NTNG1: variants seen among roughly 807,000 people sequenced by gnomAD.
NTNG1 encodes the protein netrin-G1.
NTNG1 carries 16 observed loss-of-function variants against 54.0 expected under a neutral mutation model. The ratio of observed to expected loss-of-function variants is 0.30; its 90% CI spans 0.20 to 0.45. The LOEUF is 0.45. Among genes scored for constraint, NTNG1 ranks in the 20% least tolerant of loss-of-function variants. NTNG1 has a pLI of 1.00. For synonymous variants in NTNG1, 255 were observed against 263.1 expected, an observed-to-expected ratio of 0.97 and a Z score of 0.30; for missense variants, 530 against 678.7, an observed-to-expected ratio of 0.78 and a Z score of 2.43.
chr1:107,466,939 G>A (rs984668115), intron 7 of NTNG1, among the ~76,000 whole-genome samples: 2 of 152,120 alleles, frequency 1.3e-5, no homozygotes, highest in African/African-American at 4.8e-5. Context: ...GGTCCACTAA[G>A]CAGATCTGTT....
intron 2 of NTNG1, among the ~76,000 whole-genome samples, chr1:107,316,209 A>G (rs1315175012): frequency 6.6e-6 from 1 of 152,164 alleles, no homozygotes; most frequent in African/African-American, 2.4e-5. Flanking sequence ...AGAATAAAAT[A>G]TATTTCTAAA....
At chr1:107,191,974 G>T (rs945886381) in intron 2 of NTNG1, among the ~76,000 whole-genome samples, 1 of 152,084 alleles carries the variant, frequency 6.6e-6, no homozygotes, top group African/African-American at 2.4e-5. Context: ...GACAGTCATT[G>T]GTAGCTTGAT....
chr1:107,262,073 A>G (rs941890610), intron 2 of NTNG1, among the ~76,000 whole-genome samples: 2 of 152,236 alleles, frequency 1.3e-5, no homozygotes, highest in Admixed American at 1.3e-4. Flanking sequence ...TTGGCAGTTA[A>G]TGTACCTAAG....
At position 107,242,790 on chromosome 1, in the gene NTNG1, G is replaced by A. The variant is rs755410357; in HGVS notation, c.247-81492G>A. Among the ~76,000 whole-genome samples the A allele has an allele frequency of 4.6e-5, 7 of 152,314 alleles. No homozygotes were observed. In the East Asian group the frequency reaches 5.8e-4, roughly 13 times the overall value. On this transcript the variant is annotated intron_variant, in intron 2 of 7. Coordinates refer to ENST00000370068, the MANE Select transcript of NTNG1 (RefSeq NM_001113226.3). ...TGTGGCTGGAGCTCACTGAGCTGCCGAAGTGGGAACATTTGTGCTTTGAAA... is the reference window on the plus strand; with the variant it reads ...TGTGGCTGGAGCTCACTGAGCTGCCAAAGTGGGAACATTTGTGCTTTGAAA...
intron 2 of NTNG1, among the ~76,000 whole-genome samples, chr1:107,237,665 C>A (rs142007779): frequency 6.6e-6 from 1 of 152,218 alleles, no homozygotes; most frequent in East Asian, 1.9e-4. Context: ...GTTCCAGCTA[C>A]CCCAGCTGTG....
chr1:107,283,782 G>T (rs185105577), intron 2 of NTNG1, among the ~76,000 whole-genome samples: 1 of 152,110 alleles, frequency 6.6e-6, no homozygotes, highest in Admixed American at 6.6e-5. Flanking sequence ...ATAACAGATG[G>T]AGTTCAAGAA....
intron 2 of NTNG1, among the ~76,000 whole-genome samples, chr1:107,196,214 G>A (rs1410768059): frequency 6.6e-6 from 1 of 151,898 alleles, no homozygotes; most frequent in Non-Finnish European, 1.5e-5. Flanking sequence ...TGGTGGGAGT[G>A]GGGGCAGATG....
intron 2 of NTNG1, among the ~76,000 whole-genome samples, chr1:107,251,674 T>C (rs1662619633): frequency 6.6e-6 from 1 of 152,106 alleles, no homozygotes; most frequent in Non-Finnish European, 1.5e-5. Context: ...ACAACTCAAC[T>C]CTGATCATGT....
In NTNG1 at chr1:107,334,335, C is replaced by T. The variant is rs149517254; in HGVS notation, c.887+9413C>T. On this transcript the variant is annotated intron_variant, in intron 3 of 7. Transcript: ENST00000370068. ...CTAGGAATTGTGTTTTTGTCCTGGC[C>T]GCTTTTACTCATTTGGTGCTAACAG... 6.2e-3 allele frequency among the ~76,000 whole-genome samples: 947 copies of T among 151,784 alleles called. 10 individuals are homozygous for T. Among genetic ancestry groups the T allele is most frequent in the African/African-American group, 0.018 (758 of 41,408 alleles).
At chr1:107,352,871 G>A (rs1669708369) in intron 3 of NTNG1, among the ~76,000 whole-genome samples, 1 of 152,208 alleles carries the variant, frequency 6.6e-6, no homozygotes, top group Non-Finnish European at 1.5e-5. Context: ...CTGGAGCAGT[G>A]GTCCTAGCTG....
At chr1:107,443,313 C>T (rs965594981) in intron 7 of NTNG1, among the ~76,000 whole-genome samples, 1 of 152,130 alleles carries the variant, frequency 6.6e-6, no homozygotes, top group African/African-American at 2.4e-5. Flanking sequence ...AAGTCAGAAA[C>T]TAGAGACTTA....
At chr1:107,253,551 CTCATT>C (rs1475375137) in intron 2 of NTNG1, among the ~76,000 whole-genome samples, 3 of 152,172 alleles carry the variant, frequency 2.0e-5, no homozygotes, top group African/African-American at 7.2e-5. Context: ...GGCTCTATTT[CTCATT>C]TCATTTCATT....
At chr1:107,473,771 G>T (rs17473915) in intron 7 of NTNG1, among the ~76,000 whole-genome samples, 2 of 152,118 alleles carry the variant, frequency 1.3e-5, no homozygotes, top group African/African-American at 4.8e-5. Context: ...TATCTACCTT[G>T]TGGCTTGCTT....
intron 2 of NTNG1, among the ~76,000 whole-genome samples, chr1:107,294,181 C>T (rs1665798044): frequency 6.6e-6 from 1 of 152,100 alleles, no homozygotes; most frequent in African/African-American, 2.4e-5. Context: ...AACAATGGAG[C>T]CTGAGAACAA....
intron 3 of NTNG1, among the ~76,000 whole-genome samples, chr1:107,332,004 A>G (rs961151546): frequency 1.3e-5 from 2 of 152,110 alleles, no homozygotes; most frequent in African/African-American, 2.4e-5. Flanking sequence ...AAAAACCAAC[A>G]TAAAACATTG....
chr1:107,414,588 T>C (rs1305103357), intron 5 of NTNG1, among the ~76,000 whole-genome samples: 5 of 152,172 alleles, frequency 3.3e-5, no homozygotes, highest in Non-Finnish European at 7.3e-5. Flanking sequence ...ACTTATCAGA[T>C]CACTTGGGTT....
chr1:107,401,909 G>A (rs960422705), intron 4 of NTNG1, among the ~76,000 whole-genome samples: 16 of 152,010 alleles, frequency 1.1e-4, no homozygotes, highest in African/African-American at 3.9e-4. Flanking sequence ...TGACGTCATA[G>A]GATGGTCATA....
At chr1:107,173,550 C>T (rs1274279387) in intron 2 of NTNG1, among the ~76,000 whole-genome samples, 1 of 152,124 alleles carries the variant, frequency 6.6e-6, no homozygotes, top group Non-Finnish European at 1.5e-5. Context: ...CAATAATGCT[C>T]AGCACACTCA....
At chr1:107,427,661 T>C (rs560905174) in intron 5 of NTNG1, among the ~76,000 whole-genome samples, 1 of 152,222 alleles carries the variant, frequency 6.6e-6, no homozygotes, top group South Asian at 2.1e-4. Flanking sequence ...TATCAAAGTC[T>C]CAGAAGAGTA....
Sources: allele counts gnomAD v4.1 joint callset (sites outside exome capture counted in the v4.1 genomes callset), GRCh38; gene constraint gnomAD v4.1.1; transcripts MANE v1.5; gene names NCBI Gene and HGNC (gene_info 2026-07-23, HGNC 2026-07-21).